Variants in CDH23 observed in about 807,000 individuals in gnomAD.
The protein encoded by CDH23 is cadherin-23.
In CDH23, 189 loss-of-function variants were observed where a neutral mutation model predicts 317.1. The observed-to-expected ratio is 0.60, with a 90% confidence interval of 0.53 to 0.67. The LOEUF is 0.67. CDH23 is among the 30% of genes least tolerant of loss of function. The probability of loss-of-function intolerance (pLI) is 0.00; values close to 1 mark genes in which losing one functional copy is unlikely to be tolerated. For synonymous variants in CDH23, 1,839 were observed against 1,876.8 expected, an observed-to-expected ratio of 0.98 and a Z score of 0.52; for missense variants, 4,401 against 4,592.4, an observed-to-expected ratio of 0.96 and a Z score of 1.20.
chr10:71,651,810 G>A (rs1444207686), intron 14 of CDH23, among the ~76,000 whole-genome samples: 6 of 152,322 alleles, frequency 3.9e-5, no homozygotes, highest in East Asian at 3.9e-4. Flanking sequence ...GGTGGCAGGC[G>A]TTTGGGAAAC....
Position 71,724,094 on chromosome 10 carries a change from G to T in CDH23, c.3419G>T (p.Arg1140Leu), listed in dbSNP as rs765153195. The T allele has an allele frequency of 5.1e-6, 8 of 1,558,358 alleles. No homozygotes were observed. The highest frequency in any genetic ancestry group is 2.4e-5 in the East Asian group (1 of 41,614). ...GGCGAGTTTGGGCGTGTGTGGTACC[G>T]CATCCTCCATGGTAAGTGGGGCTGC... ...DEGEFGRVWY[R>L]ILHGNHGNNF... Residue 1140 changes from arginine to leucine, a missense_variant, in exon 29 of 70, where the codon CGC becomes CTC. Physicochemically the swap from Arg to Leu is moderately radical, Grantham distance 102. Coordinates refer to ENST00000224721, the MANE Select transcript of CDH23 (RefSeq NM_022124.6).
chr10:71,613,051 G>T (rs1001775776), intron 9 of CDH23, among the ~76,000 whole-genome samples: 1 of 152,260 alleles, frequency 6.6e-6, no homozygotes, highest in Middle Eastern at 3.4e-3. Context: ...GTTTTGCCAT[G>T]TTGGCCAGGC....
At chr10:71,543,950 GA>G (rs908382735) in intron 6 of CDH23, among the ~76,000 whole-genome samples, 48 of 148,170 alleles carry the variant, frequency 3.2e-4, no homozygotes, top group African/African-American at 5.4e-4. Context: ...TTGAGAAGGA[GA>G]AAAAAAAAAG....
intron 3 of CDH23, among the ~76,000 whole-genome samples, chr10:71,480,705 G>T (rs1357945571): frequency 6.6e-6 from 1 of 152,222 alleles, no homozygotes; most frequent in African/African-American, 2.4e-5. Context: ...AACAGATGGG[G>T]TCAGGATACT....
intron 3 of CDH23, among the ~76,000 whole-genome samples, chr10:71,471,252 T>G (rs1851494349): frequency 6.6e-6 from 1 of 152,216 alleles, no homozygotes; most frequent in South Asian, 2.1e-4. Context: ...ACTGACGTGG[T>G]ACCCACTAAG....
intron 6 of CDH23, among the ~76,000 whole-genome samples, chr10:71,534,199 C>T (rs193120662): frequency 1.1e-3 from 174 of 152,276 alleles, no homozygotes; most frequent in Non-Finnish European, 1.4e-3. Flanking sequence ...AGCCCACCCC[C>T]GATCCATAAA....
chr10:71,519,174 C>CAG (rs1401182177), intron 6 of CDH23, among the ~76,000 whole-genome samples: 7 of 152,200 alleles, frequency 4.6e-5, no homozygotes, highest in African/African-American at 1.7e-4. Flanking sequence ...GGGGACTGTG[C>CAG]AGAGCCCAGC....
rs1360394135 is a variant in CDH23 at position 71,751,056 on chromosome 10, G to T, written c.4845+9135G>T. ...AGCACCCCAAAATCCTTGGAACAGGGGCTGAGCCGTCCAGCATCCCCATGT... is the reference window on the plus strand; with the variant it reads ...AGCACCCCAAAATCCTTGGAACAGGTGCTGAGCCGTCCAGCATCCCCATGT... On this transcript the variant is annotated intron_variant, in intron 38 of 69. Coordinates refer to ENST00000224721, the MANE Select transcript of CDH23 (RefSeq NM_022124.6). This position sits in a 1 kb window ranked among gnomAD's most constrained non-coding sequence, Gnocchi z 4.9. The T allele has an allele frequency of 3.2e-6, 2 of 627,590 alleles. No homozygotes were observed. Among genetic ancestry groups the T allele is most frequent in the Middle Eastern group, 4.4e-4 (1 of 2,274 alleles). 38.9% of individuals were successfully genotyped at this position (627,590 alleles called of 1,614,324 possible). A position where few individuals can be genotyped will look rare whatever the true frequency, so the allele number is the denominator to read the frequency against.
chr10:71,680,939 C>G (rs1864617580), intron 17 of CDH23, among the ~76,000 whole-genome samples: 1 of 148,934 alleles, frequency 6.7e-6, no homozygotes, highest in Admixed American at 6.7e-5. Context: ...TACAATTCTC[C>G]AGCCTCAGCC....
chr10:71,526,308 C>T (rs1230053073), intron 6 of CDH23, among the ~76,000 whole-genome samples: 2 of 152,238 alleles, frequency 1.3e-5, no homozygotes, highest in Non-Finnish European at 1.5e-5. Flanking sequence ...CCCACTGCAG[C>T]ATCCAGCGCT....
At chr10:71,702,294 G>T in intron 23 of CDH23, 83 bp downstream of exon 23, 1 of 1,453,268 alleles carries the variant, frequency 6.9e-7, no homozygotes, top group Non-Finnish European at 9.5e-7. Context: ...GGTACCTGGG[G>T]CCCACCCAGG....
rs1460638335 is a variant in CDH23, at chr10:71,805,758, G to A, written c.7873-48G>A. Reference sequence around the variant, plus strand: ...AGGGCTCCCTCAGGACCTAGGAGCTGAGATTCTTTCAGGGGTCCAGGAGCC... The same window carrying A: ...AGGGCTCCCTCAGGACCTAGGAGCTAAGATTCTTTCAGGGGTCCAGGAGCC... On this transcript the variant is annotated intron_variant, in intron 55 of 69. Coordinates refer to ENST00000224721, the MANE Select transcript of CDH23 (RefSeq NM_022124.6). 4 of 1,555,554 alleles carry A rather than the reference G, an allele frequency of 2.6e-6. No individual in the cohort carries two copies. In the East Asian group the frequency reaches 6.9e-5, roughly 27 times the overall value.
chr10:71,708,396 C>T (rs907989614), intron 26 of CDH23, among the ~76,000 whole-genome samples: 71 of 152,318 alleles, frequency 4.7e-4, no homozygotes, highest in African/African-American at 1.7e-3. Context: ...CCCTCTGCTG[C>T]CCAGAACACC....
At chr10:71,630,296 A>C (rs984487020) in intron 11 of CDH23, among the ~76,000 whole-genome samples, 1 of 152,056 alleles carries the variant, frequency 6.6e-6, no homozygotes, top group African/African-American at 2.4e-5. Context: ...TGCTGGGATT[A>C]CTGGCGTGAG....
intron 17 of CDH23, among the ~76,000 whole-genome samples, chr10:71,680,732 G>C (rs1231008535): frequency 9.2e-6 from 1 of 108,762 alleles, no homozygotes; most frequent in African/African-American, 3.5e-5. Flanking sequence ...TGGTGACAGA[G>C]TGACACTCCG....
rs1841317016 is a variant in CDH23 at position 71,793,401 on chromosome 10, C to T, written c.6473C>T (p.Ala2158Val). 6.2e-7 allele frequency: 1 copy of T among 1,614,020 alleles called. No homozygotes were observed. Among genetic ancestry groups the T allele is most frequent in the Non-Finnish European group, 8.5e-7 (1 of 1,179,882 alleles). Reference protein sequence around the residue: ...DRGTVPLSGTAIVTILIDDIN... With the variant: ...DRGTVPLSGTVIVTILIDDIN... Reference sequence around the variant, plus strand: ...GGCACCGTTCCTCTCTCGGGCACAGCCATTGTCACCATTCTGATCGATGAC... The same window carrying T: ...GGCACCGTTCCTCTCTCGGGCACAGTCATTGTCACCATTCTGATCGATGAC... Residue 2158 changes from alanine to valine, a missense_variant, in exon 48 of 70, where the codon GCC (alanine) becomes GTC (valine). Coordinates refer to ENST00000224721, the MANE Select transcript of CDH23 (RefSeq NM_022124.6).
At chr10:71,732,960 A>G (rs923147627) in intron 32 of CDH23, among the ~76,000 whole-genome samples, 7 of 152,148 alleles carry the variant, frequency 4.6e-5, no homozygotes, top group Non-Finnish European at 8.8e-5. Context: ...GCAATTCTCC[A>G]GTAGACACCA....
intron 14 of CDH23, among the ~76,000 whole-genome samples, chr10:71,651,074 G>A (rs561539288): frequency 2.6e-5 from 4 of 152,318 alleles, no homozygotes; most frequent in South Asian, 2.1e-4. Flanking sequence ...GACTAACTAC[G>A]AAATGAATCT....
chr10:71,739,904 A>G, intron 36 of CDH23, 132 bp downstream of exon 36: 1 of 1,072,862 alleles, frequency 9.3e-7, no homozygotes, highest in South Asian at 1.8e-5. Flanking sequence ...ACCAAGTAAC[A>G]TGGGGCCAGC....
Sources: allele counts gnomAD v4.1 joint callset (sites outside exome capture counted in the v4.1 genomes callset), GRCh38; gene constraint gnomAD v4.1.1; non-coding constraint Gnocchi (gnomAD v3.1); transcripts MANE v1.5; gene names NCBI Gene and HGNC (gene_info 2026-07-23, HGNC 2026-07-21).